The following SHC2 variants were observed in gnomAD, a reference collection of about 807,000 sequenced individuals.
SHC2 encodes the protein SHC-transforming protein 2.
SHC2 carries 62 observed loss-of-function variants against 60.6 expected under a neutral mutation model. That is an observed-to-expected ratio of 1.02 (90% confidence interval 0.83 to 1.26). The LOEUF is 1.26. SHC2 is among the 50% of genes most tolerant of loss of function. SHC2 has a pLI of 0.00. For missense variants in SHC2, 873 were observed against 822.2 expected (o/e 1.06, Z -0.76); for synonymous variants, 375 against 372.4 (o/e 1.01, Z -0.08).
chr19:460,356 C>G (rs1027057061), intron 1 of SHC2, among the ~76,000 whole-genome samples, 173 bp downstream of exon 1: 1 of 151,662 alleles, frequency 6.6e-6, no homozygotes, highest in African/African-American at 2.4e-5. Context: ...CCCAGCGCCT[C>G]CGGGTGGGGG....
chr19:454,698 G>A (rs913183218), intron 1 of SHC2, among the ~76,000 whole-genome samples: 24 of 152,186 alleles, frequency 1.6e-4, no homozygotes, highest in African/African-American at 5.1e-4. Flanking sequence ...GCTGAGGCAG[G>A]AGAATCGCTT....
chr19:457,975 T>TGGGGAGGCGGAAGCCGGTCCC (rs1568300246), intron 1 of SHC2, among the ~76,000 whole-genome samples: 2 of 127,004 alleles, frequency 1.6e-5, no homozygotes, highest in African/African-American at 7.3e-5. Context: ...AAGCGGGTCC[T>TGGGGAGGCGGAAGCCGGTCCC]GGGGAGGCGG....
Position 438,773 on chromosome 19 carries a change from A to G in SHC2, c.665T>C (p.Ile222Thr). The change falls in exon 4 of 13, where the codon ATC becomes ACC. Residue 222 changes from isoleucine (I) to threonine (T), a missense_variant. Coordinates refer to ENST00000264554, the MANE Select transcript of SHC2 (RefSeq NM_012435.3). The surrounding 1 kb of genome is among the most constrained non-coding windows in gnomAD (Gnocchi z 5.0). ...KSNLRFAGMS[I>T]SIHISTDGLS... ...GCCATCAGTGGAGATGTGGATGGAG[A>G]TGCTCATGCCGGCAAAGCGAAGGTT... The G allele has an allele frequency of 1.3e-6, 2 of 1,575,204 alleles. No individual in the cohort carries two copies. The highest frequency in any genetic ancestry group is 4.7e-5 in the East Asian group (2 of 42,592).
In SHC2 at chr19:434,844, C is replaced by T. The variant is rs1397864019; in HGVS notation, c.975G>A (p.Ser325=). Residue 325 remains serine, a synonymous_variant, in exon 8 of 13, where the codon TCG becomes TCA. Transcript: ENST00000264554. ...AAGAGTCCTCCTCGTCCCCCCAGGCCGACTCCTCCGGCCCTGCCAGCCTGG... is the reference window on the plus strand; with the variant it reads ...AAGAGTCCTCCTCGTCCCCCCAGGCTGACTCCTCCGGCCCTGCCAGCCTGG... The part of the protein sequence containing the change: ...PPERLAGPEE[S]AWGDEEDSLE... 8.1e-6 allele frequency: 13 copies of T among 1,611,406 alleles called. No homozygotes were observed. Among genetic ancestry groups the T allele is most frequent in the African/African-American group, 2.7e-5 (2 of 74,928 alleles).
At chr19:454,765 C>G (rs960238296) in intron 1 of SHC2, among the ~76,000 whole-genome samples, 3 of 150,842 alleles carry the variant, frequency 2.0e-5, no homozygotes, top group African/African-American at 7.3e-5. Flanking sequence ...ACTCCAGCCT[C>G]AGCAACAAGA....
At position 422,282 on chromosome 19, in the gene SHC2, C is replaced by A. The variant is rs1270213353; in HGVS notation, c.1484G>T (p.Arg495Leu). 1 of 1,612,316 alleles carries A rather than the reference C, an allele frequency of 6.2e-7. No homozygotes were observed. The highest frequency in any genetic ancestry group is 1.7e-5 in the Admixed American group (1 of 59,966). ...EPWYHGRMSR[R>L]AAERMLRADG... Reference sequence around the variant, plus strand: ...AGCTCGAAGCATCCTCTCTGCCGCCCGGCGGCTCATCCGGCCGTGGTACCA... The same window carrying A: ...AGCTCGAAGCATCCTCTCTGCCGCCAGGCGGCTCATCCGGCCGTGGTACCA... The change falls in exon 11 of 13, where the codon CGG becomes CTG. Residue 495 changes from arginine (R) to leucine (L), a missense_variant. By Grantham distance (102) the Arg-to-Leu change is moderately radical. Coordinates refer to ENST00000264554, the MANE Select transcript of SHC2 (RefSeq NM_012435.3). The surrounding 1 kb of genome is among the most constrained non-coding windows in gnomAD (Gnocchi z 5.0).
chr19:431,081 G>A (rs1400582917), intron 8 of SHC2, among the ~76,000 whole-genome samples: 1 of 150,060 alleles, frequency 6.7e-6, no homozygotes, highest in African/African-American at 2.5e-5. Flanking sequence ...CCCAAATGCC[G>A]CTTCCTCAGG....
chr19:427,369 G>A (rs1434258888), intron 9 of SHC2, among the ~76,000 whole-genome samples: 1 of 152,228 alleles, frequency 6.6e-6, no homozygotes, highest in Non-Finnish European at 1.5e-5. Context: ...GGAGAGAAGG[G>A]CTCGTGGGAA....
chr19:428,775 C>T (rs1276903494), intron 9 of SHC2, among the ~76,000 whole-genome samples: 1 of 148,262 alleles, frequency 6.7e-6, no homozygotes, highest in Non-Finnish European at 1.5e-5. Flanking sequence ...TGCAGAGAAA[C>T]CTAATACTGT....
At chr19:437,397 C>A (rs975044336) in intron 4 of SHC2, among the ~76,000 whole-genome samples, 4 of 152,132 alleles carry the variant, frequency 2.6e-5, no homozygotes, top group African/African-American at 9.7e-5. Flanking sequence ...TTTGCATGCT[C>A]ATTTGCATGG....
chr19:455,391 G>A (rs1975316107), intron 1 of SHC2, among the ~76,000 whole-genome samples: 1 of 152,230 alleles, frequency 6.6e-6, no homozygotes, highest in Non-Finnish European at 1.5e-5. Context: ...AGGGTTGTGG[G>A]GAGAATGGAA....
Position 425,081 on chromosome 19 carries a change from C to A in SHC2, c.1309+16G>T. On this transcript the variant is annotated intron_variant, in intron 10 of 12. Transcript: ENST00000264554. The surrounding 1 kb of genome is among the most constrained non-coding windows in gnomAD (Gnocchi z 4.1). Reference sequence around the variant, plus strand: ...GGCCACACGCGATGACGGCCGCCCCCCAGGCTGCCACATACGCATGTCAAA... The same window carrying A: ...GGCCACACGCGATGACGGCCGCCCCACAGGCTGCCACATACGCATGTCAAA... 1 of 1,371,988 alleles carries A rather than the reference C, an allele frequency of 7.3e-7. No individual in the cohort carries two copies. Among genetic ancestry groups the A allele is most frequent in the Non-Finnish European group, 9.5e-7 (1 of 1,053,796 alleles). 85.0% of individuals were successfully genotyped at this position (1,371,988 alleles called of 1,614,324 possible). A position where few individuals can be genotyped will look rare whatever the true frequency, so the allele number is the denominator to read the frequency against.
rs911029062 is a variant in SHC2, at chr19:425,667, AT to A, written c.1175-437del. 1.8e-4 allele frequency among the ~76,000 whole-genome samples: 28 copies of A among 152,308 alleles called. No individual in the cohort carries two copies. Among genetic ancestry groups the A allele is most frequent in the Admixed American group, 1.0e-3 (16 of 15,306 alleles). ...CAACATGACGCACGGAGGGTCACTTATTCTGACTCAGTTCTATTTCAGGATT... is the reference window on the plus strand; with the variant it reads ...CAACATGACGCACGGAGGGTCACTTATCTGACTCAGTTCTATTTCAGGATT... On this transcript the variant is annotated intron_variant, in intron 9 of 12. Coordinates refer to ENST00000264554, the MANE Select transcript of SHC2 (RefSeq NM_012435.3). The surrounding 1 kb of genome is among the most constrained non-coding windows in gnomAD (Gnocchi z 4.1).
At position 425,581 on chromosome 19, in the gene SHC2, A is replaced by G. The variant is rs77118474; in HGVS notation, c.1175-350T>C. Reference sequence around the variant, plus strand: ...GGGTCCAGAGCTTCCCAGTGCGTGTATGTTCAGTCTCCACATTTAAAAATA... The same window carrying G: ...GGGTCCAGAGCTTCCCAGTGCGTGTGTGTTCAGTCTCCACATTTAAAAATA... On this transcript the variant is annotated intron_variant, in intron 9 of 12. Transcript: ENST00000264554. This position sits in a 1 kb window ranked among gnomAD's most constrained non-coding sequence, Gnocchi z 4.1. Among the ~76,000 whole-genome samples the G allele has an allele frequency of 0.015, 2,272 of 152,284 alleles. 50 individuals are homozygous for G. The highest frequency in any genetic ancestry group is 0.091 in the East Asian group (472 of 5,164).
At chr19:457,954 C>CGGGGAGGCGGAAGCGGGTCCT (rs1209558149) in intron 1 of SHC2, among the ~76,000 whole-genome samples, 6 of 151,494 alleles carry the variant, frequency 4.0e-5, no homozygotes, top group Non-Finnish European at 7.4e-5. Flanking sequence ...AAGTGGGTCC[C>CGGGGAGGCGGAAGCGGGTCCT]GGGGAGGCGG....
intron 9 of SHC2, among the ~76,000 whole-genome samples, chr19:429,626 T>A (rs1322467598): frequency 8.5e-6 from 1 of 117,112 alleles, no homozygotes; most frequent in Non-Finnish European, 1.9e-5. Flanking sequence ...ACCGTGTGGA[T>A]GACACAGTAC....
At chr19:451,921 T>G (rs1975209829) in intron 1 of SHC2, among the ~76,000 whole-genome samples, 1 of 152,198 alleles carries the variant, frequency 6.6e-6, no homozygotes, top group Non-Finnish European at 1.5e-5. Context: ...CAAGTTGGAC[T>G]AAAATAGTTG....
chr19:458,038 C>A (rs1396854594), intron 1 of SHC2, among the ~76,000 whole-genome samples: 1 of 118,376 alleles, frequency 8.4e-6, no homozygotes, highest in African/African-American at 3.1e-5. Flanking sequence ...AAGTAGGTTC[C>A]GGGGAGGCGG....
At chr19:457,933 G>T (rs1457993108) in intron 1 of SHC2, among the ~76,000 whole-genome samples, 3 of 152,156 alleles carry the variant, frequency 2.0e-5, no homozygotes, top group Non-Finnish European at 4.4e-5. Context: ...GCACAGACCC[G>T]GGGGAGGCGG....
Sources: gnomAD v4.1 joint callset for allele counts (sites outside exome capture counted in the v4.1 genomes callset) on GRCh38, gnomAD v4.1.1 for gene constraint, Gnocchi (gnomAD v3.1) non-coding constraint, MANE v1.5 for transcripts, NCBI Gene and HGNC (gene_info 2026-07-23, HGNC 2026-07-21) for gene names.